The following STK32B variants were observed in gnomAD, a reference collection of about 807,000 sequenced individuals.
The protein encoded by STK32B is serine/threonine-protein kinase 32B.
STK32B carries 43 observed loss-of-function variants against 52.6 expected under a neutral mutation model. The observed-to-expected ratio is 0.82, with a 90% CI of 0.64 to 1.05. STK32B has a LOEUF of 1.05. STK32B is among the 50% of genes least tolerant of loss of function. The pLI, the probability that STK32B is intolerant of heterozygous loss-of-function variation, is 0.00. For synonymous variants in STK32B, 238 were observed against 204.3 expected (o/e 1.17, Z -1.41); for missense variants, 621 against 534.6 (o/e 1.16, Z -1.59).
intron 1 of STK32B, among the ~76,000 whole-genome samples, chr4:5,105,723 C>A (rs1398658425): frequency 6.6e-6 from 1 of 151,898 alleles, no homozygotes; most frequent in Non-Finnish European, 1.5e-5. Context: ...GCCACCACGC[C>A]TGGCTAATTT....
intron 3 of STK32B, among the ~76,000 whole-genome samples, chr4:5,324,611 C>G (rs923790270): frequency 6.6e-6 from 1 of 152,150 alleles, no homozygotes; most frequent in African/African-American, 2.4e-5. Context: ...GCATCTCTGG[C>G]TCCAACTCAC....
intron 6 of STK32B, among the ~76,000 whole-genome samples, chr4:5,434,416 CTA>C (rs1213463154): frequency 3.6e-4 from 52 of 146,188 alleles, no homozygotes; most frequent in Non-Finnish European, 7.0e-4. Context: ...AGAGTATATG[CTA>C]TATGTGTGCA....
chr4:5,083,910 A>G (rs1484759282), intron 1 of STK32B, among the ~76,000 whole-genome samples: 2 of 151,980 alleles, frequency 1.3e-5, no homozygotes, highest in Non-Finnish European at 2.9e-5. Flanking sequence ...TAATTTTTGT[A>G]TTTTTAGTAG....
At chr4:5,125,559 T>C (rs1418128412) in intron 1 of STK32B, among the ~76,000 whole-genome samples, 2 of 152,172 alleles carry the variant, frequency 1.3e-5, no homozygotes, top group Non-Finnish European at 2.9e-5. Flanking sequence ...AGGCCAGCGA[T>C]GCAGGGAGAT....
At chr4:5,264,562 G>A (rs1426321602) in intron 3 of STK32B, among the ~76,000 whole-genome samples, 2 of 152,008 alleles carry the variant, frequency 1.3e-5, no homozygotes, top group African/African-American at 2.4e-5. Context: ...TGAGGCGGGC[G>A]GATCACGAGG....
chr4:5,454,427 G>A (rs894987494), intron 7 of STK32B, among the ~76,000 whole-genome samples: 18 of 152,062 alleles, frequency 1.2e-4, no homozygotes, highest in African/African-American at 4.1e-4. Flanking sequence ...TGTTCACATC[G>A]TCTTTCCTCT....
Position 5,436,646 on chromosome 4 carries a change from C to G in STK32B, c.563-10027C>G, listed in dbSNP as rs150559549. On this transcript the variant is annotated intron_variant, in intron 6 of 11. Coordinates refer to ENST00000282908, the MANE Select transcript of STK32B (RefSeq NM_018401.3). The stretch of plus-strand genomic sequence containing the variant: ...GAACATGAGCAGCATGTGAGCAAAG[C>G]TGAGGAAGGGAGGGTACACGCGCTA... The G allele has an allele frequency of 3.2e-3, 3,195 of 985,340 alleles. 24 individuals are homozygous for G. Among genetic ancestry groups the G allele is most frequent in the South Asian group, 0.031 (666 of 21,276 alleles). 61.0% of individuals were successfully genotyped at this position (985,340 alleles called of 1,614,324 possible).
At chr4:5,223,273 C>G (rs1016830254) in intron 3 of STK32B, among the ~76,000 whole-genome samples, 2 of 152,162 alleles carry the variant, frequency 1.3e-5, no homozygotes, top group South Asian at 2.1e-4. Context: ...TCCTGAGACT[C>G]AGGCAAAGAT....
At chr4:5,025,640 A>G in the STK32B span, among the ~76,000 whole-genome samples, 1 of 152,176 alleles carries the variant, frequency 6.6e-6, no homozygotes, top group Non-Finnish European at 1.5e-5. Context: ...CCATGGATGT[A>G]TTGGCTTTCT....
upstream of STK32B, among the ~76,000 whole-genome samples, chr4:5,050,550 A>T (rs1741722026): frequency 6.6e-6 from 1 of 152,152 alleles, no homozygotes; most frequent in African/African-American, 2.4e-5. Context: ...ACGAGATAGG[A>T]TGGAGAGAGT....
intron 3 of STK32B, among the ~76,000 whole-genome samples, chr4:5,197,938 T>C (rs922709827): frequency 6.6e-6 from 1 of 152,014 alleles, no homozygotes; most frequent in Admixed American, 6.6e-5. Context: ...ACATGTTTTC[T>C]GTTGTTTTTT....
At chr4:5,245,978 C>T (rs576719981) in intron 3 of STK32B, among the ~76,000 whole-genome samples, 9 of 152,268 alleles carry the variant, frequency 5.9e-5, no homozygotes, top group South Asian at 2.1e-4. Flanking sequence ...GTGGGTAACC[C>T]GACCTTTCTC....
chr4:5,214,789 CATT>C (rs747315418), intron 3 of STK32B, among the ~76,000 whole-genome samples: 7 of 152,116 alleles, frequency 4.6e-5, no homozygotes, highest in Non-Finnish European at 1.0e-4. Flanking sequence ...TTTTCCTTAA[CATT>C]ATATTTTGGC....
chr4:5,340,233 G>A (rs1473588329), intron 4 of STK32B, among the ~76,000 whole-genome samples: 3 of 152,164 alleles, frequency 2.0e-5, no homozygotes, highest in African/African-American at 7.2e-5. Context: ...TTGCAGCCAA[G>A]GATGATGACC....
chr4:5,342,875 T>C (rs1733179105), intron 4 of STK32B, among the ~76,000 whole-genome samples: 1 of 152,224 alleles, frequency 6.6e-6, no homozygotes, highest in South Asian at 2.1e-4. Context: ...TGAAATTACT[T>C]GACAATAGAA....
chr4:5,293,691 C>T (rs1284389001), intron 3 of STK32B, among the ~76,000 whole-genome samples: 1 of 151,968 alleles, frequency 6.6e-6, no homozygotes, highest in African/African-American at 2.4e-5. Context: ...GGTATTAGCC[C>T]TTTGTCAGAT....
chr4:5,221,380 AG>A (rs1197908803), intron 3 of STK32B, among the ~76,000 whole-genome samples: 2 of 152,214 alleles, frequency 1.3e-5, no homozygotes, highest in Admixed American at 1.3e-4. Flanking sequence ...AAATTCCTAT[AG>A]GATATAGGAG....
At position 5,370,982 on chromosome 4, in the gene STK32B, A is replaced by ATGTGTGTG. The variant is rs1337439381; in HGVS notation, c.435-27224_435-27223insGTGTGTGT. On this transcript the variant is annotated intron_variant, in intron 4 of 11. Transcript: ENST00000282908. ...AGCAAGACACTATCTAAATATATAT[A>ATGTGTGTG]TATGTGTGTGTGTGTATATATATAT... Among the ~76,000 whole-genome samples the ATGTGTGTG allele has an allele frequency of 4.2e-3, 455 of 109,354 alleles. 3 individuals are homozygous for ATGTGTGTG. Among genetic ancestry groups the ATGTGTGTG allele is most frequent in the African/African-American group, 0.02 (420 of 20,720 alleles). The allele number at this position is 109,354 out of a possible 152,430, so 71.7% of individuals were successfully genotyped here.
chr4:5,204,445 T>TTTTAG (rs1722406598), intron 3 of STK32B, among the ~76,000 whole-genome samples: 1 of 129,882 alleles, frequency 7.7e-6, no homozygotes, highest in Non-Finnish European at 1.7e-5. Context: ...TGTTTGTTTT[T>TTTTAG]GTTTTTTAGG....
Sources: gnomAD v4.1 joint callset for allele counts (sites outside exome capture counted in the v4.1 genomes callset) on GRCh38, gnomAD v4.1.1 for gene constraint, MANE v1.5 for transcripts, NCBI Gene and HGNC (gene_info 2026-07-23, HGNC 2026-07-21) for gene names.